CNTNAP2: variants seen among roughly 807,000 people sequenced by gnomAD.
CNTNAP2 encodes the protein contactin associated protein 2.
A neutral mutation model predicts 155.2 loss-of-function variants in CNTNAP2; 98 were observed. That is an observed-to-expected ratio of 0.63 (90% CI 0.54 to 0.75). The LOEUF is 0.75. Ranked by LOEUF, CNTNAP2 falls within the 30% of genes least tolerant of loss-of-function variation. CNTNAP2 has a pLI of 0.00. For missense variants in CNTNAP2, 1,727 were observed against 1,688.1 expected (o/e 1.02, Z -0.40); for synonymous variants, 651 against 631.2 (o/e 1.03, Z -0.47).
At chr7:147,513,759 C>T (rs1404110173) in intron 11 of CNTNAP2, among the ~76,000 whole-genome samples, 1 of 152,258 alleles carries the variant, frequency 6.6e-6, no homozygotes, top group South Asian at 2.1e-4. Flanking sequence ...CACCTTCCTG[C>T]TCTATCTCTA....
intron 1 of CNTNAP2, among the ~76,000 whole-genome samples, chr7:146,609,355 A>G (rs184891637): frequency 6.6e-6 from 1 of 152,300 alleles, no homozygotes. Context: ...TTCCATCACA[A>G]ACAAATAGGA....
chr7:147,778,494 A>G (rs2116550874), intron 13 of CNTNAP2, among the ~76,000 whole-genome samples: 1 of 152,304 alleles, frequency 6.6e-6, no homozygotes, highest in East Asian at 1.9e-4. Context: ...TGGGACTATT[A>G]TCTGTGGAAT....
intron 13 of CNTNAP2, among the ~76,000 whole-genome samples, chr7:147,855,522 C>A (rs373097095): frequency 7.5e-6 from 1 of 133,932 alleles, no homozygotes; most frequent in African/African-American, 2.8e-5. Flanking sequence ...CATGGTGGCT[C>A]ACACCTATAA....
At chr7:146,279,225 G>A (rs802512) in intron 1 of CNTNAP2, among the ~76,000 whole-genome samples, 21,796 of 151,972 alleles carry the variant, frequency 0.14, 4,782 homozygotes, top group African/African-American at 0.48. Flanking sequence ...TCTTTGTTGT[G>A]TTTAAAATAT....
intron 12 of CNTNAP2, among the ~76,000 whole-genome samples, chr7:147,576,313 T>G (rs1800395724): frequency 6.6e-6 from 1 of 152,106 alleles, no homozygotes; most frequent in Non-Finnish European, 1.5e-5. Context: ...AAAACAAGTT[T>G]GAGATAGGTA....
chr7:148,081,519 A>T (rs1488383693), intron 15 of CNTNAP2, among the ~76,000 whole-genome samples: 1 of 152,036 alleles, frequency 6.6e-6, no homozygotes, highest in Non-Finnish European at 1.5e-5. Flanking sequence ...CCCATGCTTG[A>T]TGCTTCCTGC....
chr7:147,638,914 T>A (rs1176958194), intron 12 of CNTNAP2, 192 bp from the exon 13 acceptor site: 1 of 690,544 alleles, frequency 1.4e-6, no homozygotes, highest in Admixed American at 2.4e-5. Context: ...AATATTACTT[T>A]CCTACTTTGT....
chr7:148,396,014 AC>A (rs1563072351), intron 22 of CNTNAP2, among the ~76,000 whole-genome samples: 1 of 151,092 alleles, frequency 6.6e-6, no homozygotes, highest in Non-Finnish European at 1.5e-5. Context: ...CCACCCTCCG[AC>A]CCCCACCCCA....
At position 147,605,915 on chromosome 7, in the gene CNTNAP2, C is replaced by CTG. The variant is rs144478388; in HGVS notation, c.1898-33177_1898-33176dup. Among the ~76,000 whole-genome samples the CTG allele has an allele frequency of 1.6e-3, 248 of 151,146 alleles. 2 individuals carry two copies. The highest frequency in any genetic ancestry group is 5.8e-3 in the African/African-American group (240 of 41,180). ...TCTCTCTCTCTCTCTTTCTCTCTCT[C>CTG]TGTGTGTGTGTGTGTTTGTGTGTCT... is the stretch of plus-strand genomic sequence containing the variant. On this transcript the variant is annotated intron_variant, in intron 12 of 23. Coordinates refer to ENST00000361727, the MANE Select transcript of CNTNAP2 (RefSeq NM_014141.6).
intron 9 of CNTNAP2, among the ~76,000 whole-genome samples, chr7:147,346,414 A>G (rs1011020671): frequency 4.0e-5 from 6 of 151,478 alleles, no homozygotes; most frequent in South Asian, 2.1e-4. Flanking sequence ...TCGGCCTCCC[A>G]AAGTGCTGGG....
intron 21 of CNTNAP2, among the ~76,000 whole-genome samples, chr7:148,323,319 T>TTC (rs1797832645): frequency 7.6e-6 from 1 of 132,202 alleles, no homozygotes; most frequent in Admixed American, 8.1e-5. Context: ...TTTTTTTTTT[T>TTC]TTTCAGATTG....
At chr7:148,282,905 A>C (rs912587487) in intron 21 of CNTNAP2, among the ~76,000 whole-genome samples, 1 of 152,164 alleles carries the variant, frequency 6.6e-6, no homozygotes, top group African/African-American at 2.4e-5. Context: ...ATACTTTTGC[A>C]TACCCAATTG....
intron 16 of CNTNAP2, among the ~76,000 whole-genome samples, chr7:148,137,348 T>A (rs1231809600): frequency 6.6e-6 from 1 of 152,212 alleles, no homozygotes; most frequent in African/African-American, 2.4e-5. Context: ...TTTCACACTT[T>A]AAGAAAGCTT....
intron 1 of CNTNAP2, among the ~76,000 whole-genome samples, chr7:146,626,751 A>G (rs1365934281): frequency 1.3e-5 from 2 of 152,158 alleles, no homozygotes; most frequent in East Asian, 1.9e-4. Context: ...TTAAAATAAT[A>G]GTTAAAAATT....
intron 12 of CNTNAP2, among the ~76,000 whole-genome samples, chr7:147,563,426 C>T (rs372763848): frequency 1.4e-4 from 21 of 152,032 alleles, no homozygotes; most frequent in Admixed American, 1.1e-3. Context: ...GTCAAGAGGT[C>T]GAGACCATTC....
chr7:146,826,350 C>T (rs541846356), intron 2 of CNTNAP2, among the ~76,000 whole-genome samples: 15 of 152,200 alleles, frequency 9.9e-5, no homozygotes, highest in African/African-American at 3.6e-4. Flanking sequence ...CTAAAAGCCA[C>T]TATGTGAGTT....
In CNTNAP2 at chr7:147,817,502, A is replaced by G. The variant is rs981001326; in HGVS notation, c.2099-86063A>G. ...AGACAACATATATGGCGCAGTGTATATTGCTCAGTTGATGGGTGCACCAGG... is the reference window on the plus strand; with the variant it reads ...AGACAACATATATGGCGCAGTGTATGTTGCTCAGTTGATGGGTGCACCAGG... On this transcript the variant is annotated intron_variant, in intron 13 of 23. Coordinates refer to ENST00000361727, the MANE Select transcript of CNTNAP2 (RefSeq NM_014141.6). Among the ~76,000 whole-genome samples, 3 of 152,294 alleles carry G rather than the reference A, an allele frequency of 2.0e-5. No homozygotes were observed. In the East Asian group the frequency reaches 5.8e-4, roughly 29 times the overall value.
chr7:147,674,600 C>G (rs970865580), intron 13 of CNTNAP2, among the ~76,000 whole-genome samples: 2 of 152,036 alleles, frequency 1.3e-5, no homozygotes, highest in African/African-American at 4.8e-5. Context: ...TATTAGAAAG[C>G]AGAATATCTG....
intron 14 of CNTNAP2, among the ~76,000 whole-genome samples, chr7:147,933,500 GATAGA>G (rs1385134423): frequency 2.4e-5 from 2 of 83,846 alleles, no homozygotes; most frequent in East Asian, 1.6e-3. Flanking sequence ...ATGTGAGATA[GATAGA>G]TAGATAGATA....
Sources: allele counts gnomAD v4.1 joint callset (sites outside exome capture counted in the v4.1 genomes callset), GRCh38; gene constraint gnomAD v4.1.1; transcripts MANE v1.5; gene names NCBI Gene and HGNC (gene_info 2026-07-23, HGNC 2026-07-21).